Variants in PRRG4 observed in about 807,000 individuals in gnomAD.
The protein encoded by PRRG4 is proline rich and Gla domain 4, also known as transmembrane gamma-carboxyglutamic acid protein 4.
PRRG4 carries 12 observed loss-of-function variants against 20.0 expected under a neutral mutation model. That is an observed-to-expected ratio of 0.60 (90% CI 0.38 to 0.97). The LOEUF (loss-of-function observed/expected upper bound fraction) is 0.97, where lower values mean the gene tolerates loss of function less well. Among genes scored for constraint, PRRG4 ranks in the 50% least tolerant of loss-of-function variants. PRRG4 has a pLI of 0.00. For synonymous variants in PRRG4, 94 were observed against 96.4 expected (o/e 0.98, Z 0.15); for missense variants, 199 against 265.1 (o/e 0.75, Z 1.73).
chr11:32,837,579 T>TTAA (rs1221161456), intron 3 of PRRG4, among the ~76,000 whole-genome samples: 2 of 140,748 alleles, frequency 1.4e-5, no homozygotes, highest in African/African-American at 5.2e-5. Flanking sequence ...ATTATTATTA[T>TTAA]TATCTGGAGA....
chr11:32,836,738 C>G lies in PRRG4; in HGVS notation c.184C>G (p.Pro62Ala). 1 of 1,612,884 alleles carries G rather than the reference C, an allele frequency of 6.2e-7. No individual in the cohort carries two copies. Among genetic ancestry groups the G allele is most frequent in the African/African-American group, 1.3e-5 (1 of 75,006 alleles). ...YNRFDLELFTPGNLERECNEE... is the reference protein window; with the variant it reads ...YNRFDLELFTAGNLERECNEE... ...TAGATTTGATCTGGAGCTCTTCACT[C>G]CCGGCAACCTAGAAAGAGAGTGCAA... The change falls in exon 3 of 6, where the codon CCC (proline) becomes GCC (alanine). Residue 62 changes from proline to alanine, a missense_variant. Coordinates refer to ENST00000257836, the MANE Select transcript of PRRG4 (RefSeq NM_024081.6).
chr11:32,845,563 T>C (rs1257493090), intron 5 of PRRG4, among the ~76,000 whole-genome samples: 1 of 151,508 alleles, frequency 6.6e-6, no homozygotes, highest in East Asian at 1.9e-4. Context: ...ACCCGGGAGC[T>C]TGCAGTGAGC....
At chr11:32,851,641 G>C (rs1851184098) in intron 5 of PRRG4, among the ~76,000 whole-genome samples, 1 of 152,138 alleles carries the variant, frequency 6.6e-6, no homozygotes, top group Non-Finnish European at 1.5e-5. Context: ...TGCTCTAAGA[G>C]ACATATTGAC....
intron 5 of PRRG4, among the ~76,000 whole-genome samples, chr11:32,845,397 G>A (rs1210020820): frequency 2.6e-5 from 4 of 152,080 alleles, no homozygotes; most frequent in African/African-American, 4.8e-5. Context: ...AGGCCGAGAC[G>A]GGCGGATCAC....
rs1851224272 is a variant in PRRG4, at chr11:32,855,873, G to A, written c.*2346G>A. The stretch of plus-strand genomic sequence containing the variant: ...TTCTACTTTGCCATAATCACACTAA[G>A]GCATGGAAGAACAACTTGCCCAGAA... On this transcript the variant is annotated 3_prime_UTR_variant, in exon 6 of 6. Coordinates refer to ENST00000257836, the MANE Select transcript of PRRG4 (RefSeq NM_024081.6). The A allele has an allele frequency of 6.6e-6, 1 of 152,126 alleles. No homozygotes were observed. The highest frequency in any genetic ancestry group is 2.4e-5 in the African/African-American group (1 of 41,432). 9.4% of individuals were successfully genotyped at this position (152,126 alleles called of 1,614,324 possible).
chr11:32,841,296 G>A (rs1851076076), intron 5 of PRRG4, among the ~76,000 whole-genome samples: 1 of 152,094 alleles, frequency 6.6e-6, no homozygotes, highest in African/African-American at 2.4e-5. Context: ...AAGACTCTTT[G>A]TCTTCTAAAT....
chr11:32,836,104 AAAT>A (rs562216968), intron 2 of PRRG4, among the ~76,000 whole-genome samples: 3 of 151,792 alleles, frequency 2.0e-5, no homozygotes, highest in Admixed American at 6.6e-5. Context: ...CCCCTCTCAA[AAAT>A]AATAATAATA....
At chr11:32,847,801 T>C (rs1233979235) in intron 5 of PRRG4, among the ~76,000 whole-genome samples, 1 of 152,138 alleles carries the variant, frequency 6.6e-6, no homozygotes, top group Non-Finnish European at 1.5e-5. Flanking sequence ...TATTCAGCCA[T>C]AAAAAATAAT....
rs1439423324 is a variant in PRRG4 at position 32,856,511 on chromosome 11, C to A, written c.*2984C>A. 2 of 152,184 alleles carry A rather than the reference C, an allele frequency of 1.3e-5. No individual in the cohort carries two copies. The highest frequency in any genetic ancestry group is 4.8e-5 in the African/African-American group (2 of 41,446). 9.4% of individuals were successfully genotyped at this position (152,184 alleles called of 1,614,324 possible). A position where few individuals can be genotyped will look rare whatever the true frequency, so the allele number is the denominator to read the frequency against. On this transcript the variant is annotated 3_prime_UTR_variant, in exon 6 of 6. Coordinates refer to ENST00000257836, the MANE Select transcript of PRRG4 (RefSeq NM_024081.6). ...ATATTTCTGTTGCTTTCACCATTTT[C>A]TATTCCTGTTGTAAGTTTGGTGGTA...
At chr11:32,830,473 C>CT (rs759621045) in intron 1 of PRRG4, 35 bp from the exon 2 acceptor site, 13,488 of 1,172,838 alleles carry the variant, frequency 0.012, 16 homozygotes, top group Middle Eastern at 0.017. Flanking sequence ...AGCTAGGGGC[C>CT]TTTTTTTTTT....
chr11:32,849,610 G>A (rs1851163041), intron 5 of PRRG4, among the ~76,000 whole-genome samples: 1 of 152,174 alleles, frequency 6.6e-6, no homozygotes, highest in Admixed American at 6.5e-5. Flanking sequence ...GTTGCAGTGA[G>A]CCCAGATTGC....
chr11:32,837,457 C>T (rs1272284645), intron 3 of PRRG4, among the ~76,000 whole-genome samples: 2 of 150,974 alleles, frequency 1.3e-5, no homozygotes, highest in East Asian at 1.9e-4. Flanking sequence ...AAACAGATGG[C>T]ATTGTGCCTG....
intron 3 of PRRG4, among the ~76,000 whole-genome samples, chr11:32,837,528 TGATG>T (rs1565113781): frequency 5.3e-5 from 6 of 112,366 alleles, no homozygotes; most frequent in African/African-American, 1.8e-4. Flanking sequence ...ATGATGATGA[TGATG>T]ATGATGATGA....
intron 4 of PRRG4, among the ~76,000 whole-genome samples, chr11:32,839,741 A>C (rs1297290326): frequency 8.3e-6 from 1 of 120,816 alleles, no homozygotes; most frequent in Non-Finnish European, 1.9e-5. Context: ...ATATTATTAA[A>C]ATATAGATAT....
rs894660229 is a variant in PRRG4 at position 32,840,019 on chromosome 11, G to A, written c.317-88G>A. The A allele has an allele frequency of 2.1e-6, 2 of 947,278 alleles. No individual in the cohort carries two copies. 58.7% of individuals were successfully genotyped at this position (947,278 alleles called of 1,614,324 possible). A position where few individuals can be genotyped will look rare whatever the true frequency, so the allele number is the denominator to read the frequency against. ...CATCAATGATTAGATGCTGTATAAT[G>A]TGTTTAGAACCAGGATTAAATTTGT... On this transcript the variant is annotated intron_variant, in intron 4 of 5. Coordinates refer to ENST00000257836, the MANE Select transcript of PRRG4 (RefSeq NM_024081.6). This position sits in a 1 kb window ranked among gnomAD's most constrained non-coding sequence, Gnocchi z 4.1.
In PRRG4 at chr11:32,854,959, T is replaced by G. The variant is rs780460603; in HGVS notation, c.*1432T>G. 1 of 152,196 alleles carries G rather than the reference T, an allele frequency of 6.6e-6. No individual in the cohort carries two copies. The highest frequency in any genetic ancestry group is 1.5e-5 in the Non-Finnish European group (1 of 68,028). 9.4% of individuals were successfully genotyped at this position (152,196 alleles called of 1,614,324 possible). The stretch of plus-strand genomic sequence containing the variant: ...TAATGAAGTTGCCCCTGTTACTGAT[T>G]AGTAAATACTCCCATCTTCGTTGCA... On this transcript the variant is annotated 3_prime_UTR_variant, in exon 6 of 6. Coordinates refer to ENST00000257836, the MANE Select transcript of PRRG4 (RefSeq NM_024081.6).
chr11:32,839,871 TTAAA>T (rs942761604), intron 4 of PRRG4, among the ~76,000 whole-genome samples: 175 of 147,098 alleles, frequency 1.2e-3, no homozygotes, highest in African/African-American at 4.1e-3. Flanking sequence ...TATATATATT[TTAAA>T]TAAATAAATA....
At chr11:32,831,945 T>C (rs930041191) in intron 2 of PRRG4, among the ~76,000 whole-genome samples, 2 of 151,914 alleles carry the variant, frequency 1.3e-5, no homozygotes, top group African/African-American at 4.8e-5. Context: ...GCTGAGATCG[T>C]GCCACTGCAC....
chr11:32,847,225 C>G (rs1339707237), intron 5 of PRRG4, among the ~76,000 whole-genome samples: 1 of 151,826 alleles, frequency 6.6e-6, no homozygotes, highest in Non-Finnish European at 1.5e-5. Flanking sequence ...AGCCACTGCA[C>G]CCGGCCAAAA....
Sources: gnomAD v4.1 joint callset for allele counts (sites outside exome capture counted in the v4.1 genomes callset) on GRCh38, gnomAD v4.1.1 for gene constraint, Gnocchi (gnomAD v3.1) non-coding constraint, MANE v1.5 for transcripts, NCBI Gene and HGNC (gene_info 2026-07-23, HGNC 2026-07-21) for gene names.